Variants in ERC1 observed in about 807,000 individuals in gnomAD.
ERC1 encodes the protein ELKS/RAB6-interacting/CAST family member 1.
ERC1 carries 56 observed loss-of-function variants against 132.0 expected under a neutral mutation model. That is an observed-to-expected ratio of 0.42 (90% CI 0.34 to 0.53). ERC1 has a LOEUF of 0.53. ERC1 is among the 20% of genes least tolerant of loss of function. The pLI is 0.03. For synonymous variants in ERC1, 478 were observed against 476.1 expected (o/e 1.00, Z -0.05); for missense variants, 1,202 against 1,349.9 (o/e 0.89, Z 1.72).
At chr12:1,366,846 A>G (rs1231504131) in intron 15 of ERC1, among the ~76,000 whole-genome samples, 1 of 152,200 alleles carries the variant, frequency 6.6e-6, no homozygotes, top group Non-Finnish European at 1.5e-5. Flanking sequence ...TGTTACTAAC[A>G]TGTAAAATGT....
intron 15 of ERC1, among the ~76,000 whole-genome samples, chr12:1,363,495 AT>A (rs1422387992): frequency 6.7e-6 from 1 of 150,312 alleles, no homozygotes; most frequent in African/African-American, 2.4e-5. Context: ...AAGTCAGTCC[AT>A]ATTGGGATAA....
chr12:1,434,329 T>C (rs967791481), intron 17 of ERC1, among the ~76,000 whole-genome samples: 1 of 152,184 alleles, frequency 6.6e-6, no homozygotes, highest in African/African-American at 2.4e-5. Context: ...AATAGATATA[T>C]GAAGATTCTA....
chr12:1,465,631 T>G (rs969904312), intron 18 of ERC1, among the ~76,000 whole-genome samples: 1 of 152,184 alleles, frequency 6.6e-6, no homozygotes, highest in African/African-American at 2.4e-5. Flanking sequence ...ATGAACCATC[T>G]CCAGTTTGCA....
At chr12:1,489,678 C>T (rs535909519) in intron 18 of ERC1, among the ~76,000 whole-genome samples, 19 of 152,184 alleles carry the variant, frequency 1.2e-4, no homozygotes, top group Admixed American at 3.9e-4. Flanking sequence ...CGGATGAAAG[C>T]GATACACGGC....
chr12:1,217,134 C>T (rs969602447), intron 12 of ERC1, among the ~76,000 whole-genome samples: 1 of 152,170 alleles, frequency 6.6e-6, no homozygotes, highest in Non-Finnish European at 1.5e-5. Flanking sequence ...AGTATTCCCT[C>T]TCCTCCTTTT....
chr12:1,201,867 T>C (rs997060280), intron 12 of ERC1, among the ~76,000 whole-genome samples: 1 of 152,168 alleles, frequency 6.6e-6, no homozygotes, highest in Non-Finnish European at 1.5e-5. Context: ...CTTCAATCCA[T>C]GAAGTATAGT....
At chr12:1,455,492 G>A (rs1196553392) in intron 18 of ERC1, among the ~76,000 whole-genome samples, 1 of 152,170 alleles carries the variant, frequency 6.6e-6, no homozygotes, top group African/African-American at 2.4e-5. Flanking sequence ...TGAAATTCCA[G>A]GTCCAGGGGT....
intron 1 of ERC1, among the ~76,000 whole-genome samples, chr12:993,071 T>C (rs904999897): frequency 1.3e-5 from 2 of 152,212 alleles, no homozygotes; most frequent in African/African-American, 4.8e-5. Context: ...ATACTTCTAC[T>C]TTATAGAGAG....
intron 18 of ERC1, among the ~76,000 whole-genome samples, chr12:1,482,375 A>G (rs1362049206): frequency 1.3e-5 from 2 of 148,572 alleles, no homozygotes; most frequent in East Asian, 4.0e-4. Context: ...ATCTCTACCT[A>G]TTTGTGGCAG....
At chr12:1,469,504 A>G (rs1210912180) in intron 18 of ERC1, among the ~76,000 whole-genome samples, 2 of 152,280 alleles carry the variant, frequency 1.3e-5, no homozygotes, top group African/African-American at 4.8e-5. Context: ...CGGTCCTTCC[A>G]GAGTGCTTGC....
At chr12:1,408,273 TA>T in intron 17 of ERC1, 26 bp downstream of exon 17, 1 of 1,541,138 alleles carries the variant, frequency 6.5e-7, no homozygotes, top group Non-Finnish European at 8.9e-7. Flanking sequence ...AATGTTTTAT[TA>T]AAAAACCCAC....
chr12:1,167,521 A>G (rs1337724778), intron 8 of ERC1, among the ~76,000 whole-genome samples: 2 of 152,172 alleles, frequency 1.3e-5, no homozygotes, highest in Admixed American at 1.3e-4. Flanking sequence ...TATCCTAACC[A>G]GAAAATAGCT....
At chr12:1,406,033 G>T (rs376791960) in intron 16 of ERC1, among the ~76,000 whole-genome samples, 1 of 152,158 alleles carries the variant, frequency 6.6e-6, no homozygotes. Context: ...ATGAAAAAAT[G>T]GTCATGATAA....
At chr12:1,402,414 C>G (rs1311410715) in intron 16 of ERC1, among the ~76,000 whole-genome samples, 1 of 152,016 alleles carries the variant, frequency 6.6e-6, no homozygotes, top group African/African-American at 2.4e-5. Context: ...TCTGTAATCT[C>G]AGCTACTCAG....
intron 18 of ERC1, among the ~76,000 whole-genome samples, chr12:1,459,919 TATAG>T (rs2093613033): frequency 6.6e-6 from 1 of 152,152 alleles, no homozygotes; most frequent in Non-Finnish European, 1.5e-5. Flanking sequence ...CATAGAGTGA[TATAG>T]ATAGAGATAC....
chr12:1,071,638 T>C (rs1470576064), intron 2 of ERC1, among the ~76,000 whole-genome samples: 1 of 152,112 alleles, frequency 6.6e-6, no homozygotes, highest in Non-Finnish European at 1.5e-5. Flanking sequence ...AATTTTATTT[T>C]TATAGTGGTC....
At chr12:1,470,319 T>A (rs2093833592) in intron 18 of ERC1, among the ~76,000 whole-genome samples, 2 of 152,122 alleles carry the variant, frequency 1.3e-5, no homozygotes, top group South Asian at 2.1e-4. Context: ...CCTGAGAGAT[T>A]GCCTGGACGT....
At chr12:1,238,575 A>C (rs1199772213) in intron 13 of ERC1, among the ~76,000 whole-genome samples, 1 of 152,110 alleles carries the variant, frequency 6.6e-6, no homozygotes, top group South Asian at 2.1e-4. Context: ...GTCTGTTTCT[A>C]GGATTTCAGT....
intron 11 of ERC1, among the ~76,000 whole-genome samples, chr12:1,187,890 G>A (rs1955285257): frequency 6.6e-6 from 1 of 152,130 alleles, no homozygotes; most frequent in Non-Finnish European, 1.5e-5. Flanking sequence ...AAATCACATG[G>A]TGTGAGGGAA....
Sources: gnomAD v4.1 joint callset for allele counts (sites outside exome capture counted in the v4.1 genomes callset) on GRCh38, gnomAD v4.1.1 for gene constraint, MANE v1.5 for transcripts, NCBI Gene and HGNC (gene_info 2026-07-23, HGNC 2026-07-21) for gene names.